DLG4: variants seen among roughly 807,000 people sequenced by gnomAD.
DLG4 encodes the protein disks large homolog 4.
A neutral mutation model predicts 93.8 loss-of-function variants in DLG4; 7 were observed. The observed-to-expected ratio is 0.07, with a 90% confidence interval of 0.04 to 0.14. DLG4 has a LOEUF of 0.14. DLG4 is among the 10% of genes least tolerant of loss of function. The pLI is 1.00. For missense variants in DLG4, 545 were observed against 992.9 expected, an observed-to-expected ratio of 0.55 and a Z score of 6.06; for synonymous variants, 341 against 387.6, an observed-to-expected ratio of 0.88 and a Z score of 1.41.
At chr17:7,218,122 T>TG (rs773831815), upstream of DLG4, 35 of 921,144 alleles carry the variant, frequency 3.8e-5, no homozygotes, top group Non-Finnish European at 5.6e-5. Context: ...CCTGGGCCAC[T>TG]GACTCAGGCT....
Position 7,203,974 on chromosome 17 carries a change from G to A in DLG4, c.210+34C>T. 6.2e-7 allele frequency: 1 copy of A among 1,606,884 alleles called. No homozygotes were observed. The highest frequency in any genetic ancestry group is 8.5e-7 in the Non-Finnish European group (1 of 1,176,598). ...GCAGAAAGAAAGGTACAGACGGGAG[G>A]CCACGGGGACTGCCGATGGAGGAGC... On this transcript the variant is annotated intron_variant, in intron 4 of 19. Coordinates refer to ENST00000399506, the MANE Select transcript of DLG4 (RefSeq NM_001321075.3). This position sits in a 1 kb window ranked among gnomAD's most constrained non-coding sequence, Gnocchi z 7.2.
chr17:7,201,699 G>A (rs936043582), intron 8 of DLG4, among the ~76,000 whole-genome samples: 12 of 152,048 alleles, frequency 7.9e-5, no homozygotes, highest in Non-Finnish European at 1.2e-4. Context: ...TGGCCAACAT[G>A]GTGAAACCCT....
chr17:7,218,737 G>C (rs779152504), upstream of DLG4: 2 of 1,572,288 alleles, frequency 1.3e-6, no homozygotes, highest in East Asian at 4.5e-5. Flanking sequence ...CTTCACCCCA[G>C]CCCCTACGGA....
intron 1 of DLG4, among the ~76,000 whole-genome samples, chr17:7,212,554 T>C (rs1445353182): frequency 6.6e-6 from 1 of 152,092 alleles, no homozygotes; most frequent in South Asian, 2.1e-4. Flanking sequence ...TATGCCAGTC[T>C]CCAAATCCAC....
chr17:7,215,020 G>A (rs1268439495), intron 1 of DLG4, among the ~76,000 whole-genome samples: 1 of 152,196 alleles, frequency 6.6e-6, no homozygotes, highest in East Asian at 1.9e-4. Flanking sequence ...CCAGCATTTG[G>A]GGAAGCAGGA....
intron 2 of DLG4, among the ~76,000 whole-genome samples, chr17:7,207,913 G>A (rs1166420010): frequency 6.6e-6 from 1 of 151,754 alleles, no homozygotes; most frequent in Non-Finnish European, 1.5e-5. Context: ...CCCCACAAAC[G>A]CCCCCTCCCC....
Position 7,197,018 on chromosome 17 carries a change from G to A in DLG4, c.822C>T (p.His274=). Residue 274 remains histidine (H), a synonymous_variant, in exon 9 of 20, where the codon CAC becomes CAT. Coordinates refer to ENST00000399506, the MANE Select transcript of DLG4 (RefSeq NM_001321075.3). The part of the protein sequence containing the change: ...YSQHLDNEIS[H]SSYLGTDYPT... ...GGTAGTCGGTGCCCAGGTAGCTGCT[G>A]TGACTGATCTCATTGTCCAGGTGCT... The A allele has an allele frequency of 6.2e-7, 1 of 1,613,156 alleles. No individual in the cohort carries two copies. Among genetic ancestry groups the A allele is most frequent in the Non-Finnish European group, 8.5e-7 (1 of 1,179,484 alleles).
rs1040566669 is a variant in DLG4, at chr17:7,188,662, G to A, written c.*2046C>T. 3.3e-5 allele frequency among the ~76,000 whole-genome samples: 5 copies of A among 152,124 alleles called. No individual in the cohort carries two copies. Among genetic ancestry groups the A allele is most frequent in the Non-Finnish European group, 7.4e-5 (5 of 68,018 alleles). ...CCTTATAATAAAGAAGTAGGTAATT[G>A]ACAATTTCCTTTTTTGCCATGGCTA... On this transcript the variant is annotated 3_prime_UTR_variant, in exon 20 of 20. Transcript: ENST00000399506.
In DLG4 at chr17:7,203,920, G is replaced by A. The variant is rs2070305189; in HGVS notation, c.210+88C>T. On this transcript the variant is annotated intron_variant, in intron 4 of 19. Transcript: ENST00000399506. The surrounding 1 kb of genome is among the most constrained non-coding windows in gnomAD (Gnocchi z 7.2). Reference sequence around the variant, plus strand: ...GAGCAGCCAGAGGAGGAAGGCACAGGGTGAGGGGCTAGCCACCCAGACCAC... The same window carrying A: ...GAGCAGCCAGAGGAGGAAGGCACAGAGTGAGGGGCTAGCCACCCAGACCAC... 6.3e-7 allele frequency: 1 copy of A among 1,587,722 alleles called. No homozygotes were observed. Among genetic ancestry groups the A allele is most frequent in the Admixed American group, 1.8e-5 (1 of 55,346 alleles).
In DLG4 at chr17:7,191,123, G is replaced by T. The variant is rs2069472966; in HGVS notation, c.2068+144C>A. The T allele has an allele frequency of 1.4e-6, 1 of 732,052 alleles. No individual in the cohort carries two copies. The highest frequency in any genetic ancestry group is 2.3e-6 in the Non-Finnish European group (1 of 433,488). The allele number at this position is 732,052 out of a possible 1,614,324, so 45.3% of individuals were successfully genotyped here. A position where few individuals can be genotyped will look rare whatever the true frequency, so the allele number is the denominator to read the frequency against. The stretch of plus-strand genomic sequence containing the variant: ...TAGCTGGGATTACAGGTGCCCGCCA[G>T]TGCTGGGATTACAGGCGTGAGCCAC... On this transcript the variant is annotated intron_variant, in intron 19 of 19. Coordinates refer to ENST00000399506, the MANE Select transcript of DLG4 (RefSeq NM_001321075.3). The surrounding 1 kb of genome is among the most constrained non-coding windows in gnomAD (Gnocchi z 6.6).
intron 8 of DLG4, among the ~76,000 whole-genome samples, chr17:7,199,152 C>T (rs576916021): frequency 8.5e-5 from 13 of 152,288 alleles, no homozygotes; most frequent in Non-Finnish European, 7.4e-5. Flanking sequence ...CATTCATTCA[C>T]CAATTTCAGA....
intron 1 of DLG4, chr17:7,213,820 T>C (rs1429376496): frequency 2.1e-6 from 1 of 471,078 alleles, no homozygotes; most frequent in Non-Finnish European, 4.4e-6. Flanking sequence ...ATTGACCCCG[T>C]TGATCGGCAT....
Position 7,196,549 on chromosome 17 carries a change from G to A in DLG4, c.1110C>T (p.Ala370=), listed in dbSNP as rs2069795136. 1.3e-5 allele frequency: 21 copies of A among 1,614,038 alleles called. No individual in the cohort carries two copies. The highest frequency in any genetic ancestry group is 1.8e-5 in the Non-Finnish European group (21 of 1,179,892). The part of the protein sequence containing the change: ...LSVNGVDLRN[A]SHEQAAIALK... ...GGGCAATGGCAGCCTGCTCATGGCT[G>A]GCATTTCGGAGGTCCACACCGTTGA... Residue 370 remains alanine (A), a synonymous_variant, in exon 10 of 20, where the codon GCC becomes GCT. Coordinates refer to ENST00000399506, the MANE Select transcript of DLG4 (RefSeq NM_001321075.3). This position sits in a 1 kb window ranked among gnomAD's most constrained non-coding sequence, Gnocchi z 8.3.
At chr17:7,216,498 C>G (rs1285058566) in intron 1 of DLG4, among the ~76,000 whole-genome samples, 1 of 152,172 alleles carries the variant, frequency 6.6e-6, no homozygotes, top group Non-Finnish European at 1.5e-5. Flanking sequence ...GGCCCCAGCC[C>G]TCTGACAACT....
At position 7,191,046 on chromosome 17, in the gene DLG4, TG is replaced by T. The variant is rs2069468511; in HGVS notation, c.2068+220del. ...GTGCAGTGGTGCGATCTCGGCTCAC[TG>T]CAACCTCTGCCTCCCAGGTTCAAGC... On this transcript the variant is annotated intron_variant, in intron 19 of 19. Transcript: ENST00000399506. The surrounding 1 kb of genome is among the most constrained non-coding windows in gnomAD (Gnocchi z 6.6). 6.8e-6 allele frequency among the ~76,000 whole-genome samples: 1 copy of T among 146,412 alleles called. No individual in the cohort carries two copies. Among genetic ancestry groups the T allele is most frequent in the African/African-American group, 2.5e-5 (1 of 39,436 alleles).
intron 1 of DLG4, among the ~76,000 whole-genome samples, chr17:7,209,358 T>C (rs2070619915): frequency 6.6e-6 from 1 of 152,140 alleles, no homozygotes; most frequent in Non-Finnish European, 1.5e-5. Flanking sequence ...TGCCCTCGCC[T>C]GCTCCTCTCC....
intron 2 of DLG4, among the ~76,000 whole-genome samples, chr17:7,207,785 G>GCA (rs944677353): frequency 6.7e-6 from 1 of 150,344 alleles, no homozygotes; most frequent in African/African-American, 2.5e-5. Context: ...ACACGCACAG[G>GCA]CACACACACA....
chr17:7,189,358 AGT>A lies in DLG4; in HGVS notation c.*1348_*1349del, dbSNP rs1248425985. ...TACAAAATTAGCCAGGCATGGTGGCAGTAATCTGTAATCCCAGCTACTCAGGG... is the reference window on the plus strand; with the variant it reads ...TACAAAATTAGCCAGGCATGGTGGCAAATCTGTAATCCCAGCTACTCAGGG... On this transcript the variant is annotated 3_prime_UTR_variant, in exon 20 of 20. Transcript: ENST00000399506. Among the ~76,000 whole-genome samples the A allele has an allele frequency of 4.6e-5, 7 of 151,796 alleles. No individual in the cohort carries two copies. Among genetic ancestry groups the A allele is most frequent in the Non-Finnish European group, 8.8e-5 (6 of 67,964 alleles).
At chr17:7,201,399 G>A (rs1036581099) in intron 8 of DLG4, among the ~76,000 whole-genome samples, 3 of 152,092 alleles carry the variant, frequency 2.0e-5, no homozygotes, top group Admixed American at 6.6e-5. Context: ...TATGACTGAG[G>A]GGGAGGAGTA....
Sources: allele counts gnomAD v4.1 joint callset (sites outside exome capture counted in the v4.1 genomes callset), GRCh38; gene constraint gnomAD v4.1.1; non-coding constraint Gnocchi (gnomAD v3.1); transcripts MANE v1.5; gene names NCBI Gene and HGNC (gene_info 2026-07-23, HGNC 2026-07-21).